The following ZFYVE9 variants were observed in gnomAD, a reference collection of about 807,000 sequenced individuals.
ZFYVE9 encodes the protein zinc finger FYVE domain-containing protein 9.
In ZFYVE9, 43 loss-of-function variants were observed where a neutral mutation model predicts 126.7. The ratio of observed to expected loss-of-function variants is 0.34; its 90% confidence interval spans 0.27 to 0.44. The LOEUF is 0.44. Among genes scored for constraint, ZFYVE9 ranks in the 20% least tolerant of loss-of-function variants. ZFYVE9 has a pLI of 1.00. For synonymous variants in ZFYVE9, 521 were observed against 597.4 expected (o/e 0.87, Z 1.87); for missense variants, 1,476 against 1,697.0 (o/e 0.87, Z 2.29).
chr1:52,274,024 A>G (rs1645720557), intron 7 of ZFYVE9, among the ~76,000 whole-genome samples: 1 of 152,156 alleles, frequency 6.6e-6, no homozygotes, highest in African/African-American at 2.4e-5. Context: ...AACTATCACC[A>G]CTGTTTTCAA....
intron 4 of ZFYVE9, among the ~76,000 whole-genome samples, chr1:52,242,528 T>C (rs1645344708): frequency 6.6e-6 from 1 of 152,156 alleles, no homozygotes; most frequent in African/African-American, 2.4e-5. Flanking sequence ...TACTGTTTCT[T>C]AATGCAGCAG....
chr1:52,206,289 G>A (rs1197265502), intron 1 of ZFYVE9, among the ~76,000 whole-genome samples: 2 of 152,140 alleles, frequency 1.3e-5, no homozygotes, highest in Non-Finnish European at 2.9e-5. Flanking sequence ...AGGTGGATAG[G>A]TTTTCCCTGA....
intron 13 of ZFYVE9, among the ~76,000 whole-genome samples, chr1:52,318,431 GAA>G (rs1348541660): frequency 1.4e-5 from 2 of 147,324 alleles, no homozygotes; most frequent in African/African-American, 2.6e-5. Context: ...GGCAATCTAA[GAA>G]GAGAACTTTC....
chr1:52,344,698 T>C (rs1252427773), intron 17 of ZFYVE9, 70 bp from the exon 18 acceptor site: 39 of 1,524,936 alleles, frequency 2.6e-5, no homozygotes, highest in South Asian at 1.2e-5. Context: ...GGTGCTCATA[T>C]ACAGTGAGCT....
At chr1:52,226,852 T>C (rs958027683) in intron 2 of ZFYVE9, among the ~76,000 whole-genome samples, 3 of 152,218 alleles carry the variant, frequency 2.0e-5, no homozygotes, top group African/African-American at 7.2e-5. Context: ...TTGCATTCTT[T>C]TGAATTTCTG....
chr1:52,239,340 T>C lies in ZFYVE9; in HGVS notation c.1923T>C (p.Asn641=), dbSNP rs774970481. 2.5e-6 allele frequency: 4 copies of C among 1,614,196 alleles called. No homozygotes were observed. In the Admixed American group the frequency reaches 6.7e-5, roughly 27 times the overall value. The change falls in exon 4 of 19, where the codon AAT becomes AAC. Residue 641 remains asparagine, a synonymous_variant. Coordinates refer to ENST00000287727, the MANE Select transcript of ZFYVE9 (RefSeq NM_004799.4). The part of the protein sequence containing the change: ...VCSPSLGNIS[N]VDTNGEHLES... ...GTCCATCTTTGGGAAACATCTCTAA[T>C]GTCGATACAAATGGGGAACATTTAG...
At chr1:52,161,481 G>C (rs754353570) in intron 1 of ZFYVE9, among the ~76,000 whole-genome samples, 25 of 152,212 alleles carry the variant, frequency 1.6e-4, no homozygotes, top group Admixed American at 7.2e-4. Flanking sequence ...AGTAGAGACA[G>C]GGTTTTGCTA....
At chr1:52,161,868 T>C (rs1644463070) in intron 1 of ZFYVE9, among the ~76,000 whole-genome samples, 1 of 151,638 alleles carries the variant, frequency 6.6e-6, no homozygotes, top group African/African-American at 2.4e-5. Flanking sequence ...TAATACAATA[T>C]CTAACACAAA....
intron 6 of ZFYVE9, among the ~76,000 whole-genome samples, chr1:52,268,233 G>C (rs927147318): frequency 9.2e-5 from 14 of 152,128 alleles, no homozygotes; most frequent in Admixed American, 8.5e-4. Flanking sequence ...TCAAAGCAAA[G>C]TATTTTACTC....
chr1:52,303,055 A>G (rs1412486387), intron 12 of ZFYVE9, among the ~76,000 whole-genome samples: 1 of 152,162 alleles, frequency 6.6e-6, no homozygotes, highest in Non-Finnish European at 1.5e-5. Flanking sequence ...GGTTGTACTG[A>G]GCCAAGATGG....
intron 1 of ZFYVE9, among the ~76,000 whole-genome samples, chr1:52,183,025 A>T (rs1160013835): frequency 6.6e-6 from 1 of 152,206 alleles, no homozygotes; most frequent in Non-Finnish European, 1.5e-5. Context: ...GAGCAGTTTT[A>T]GTAGATTGAA....
chr1:52,344,156 A>G (rs1051168930), intron 17 of ZFYVE9, among the ~76,000 whole-genome samples: 47 of 151,652 alleles, frequency 3.1e-4, no homozygotes, highest in African/African-American at 1.1e-3. Context: ...GCTAGGACTT[A>G]GGTCATCAGT....
chr1:52,315,173 A>G (rs1044272072), intron 13 of ZFYVE9, among the ~76,000 whole-genome samples: 18 of 152,370 alleles, frequency 1.2e-4, no homozygotes, highest in African/African-American at 4.3e-4. Flanking sequence ...TCATGCCTGT[A>G]ATCCCTGCAC....
At chr1:52,147,266 A>G (rs898522386) in intron 1 of ZFYVE9, among the ~76,000 whole-genome samples, 1 of 152,220 alleles carries the variant, frequency 6.6e-6, no homozygotes, top group African/African-American at 2.4e-5. Flanking sequence ...TATGGTAAAT[A>G]GCCCATTTAC....
Position 52,315,798 on chromosome 1 carries a change from G to A in ZFYVE9, c.3438+11873G>A, listed in dbSNP as rs539933778. Among the ~76,000 whole-genome samples the A allele has an allele frequency of 4.6e-5, 7 of 152,302 alleles. No individual in the cohort carries two copies. In the South Asian group the frequency reaches 1.0e-3, roughly 23 times the overall value. The stretch of plus-strand genomic sequence containing the variant: ...ATATAAATGATCTAAATACCTTCAA[G>A]TAAAAGGCAGAGATTGTGAGACTGA... On this transcript the variant is annotated intron_variant, in intron 13 of 18. Transcript: ENST00000287727.
intron 4 of ZFYVE9, among the ~76,000 whole-genome samples, chr1:52,245,721 G>T (rs1368192892): frequency 6.6e-6 from 1 of 152,100 alleles, no homozygotes; most frequent in Non-Finnish European, 1.5e-5. Context: ...AATCTTCCTG[G>T]TAAACCTGTG....
intron 1 of ZFYVE9, among the ~76,000 whole-genome samples, chr1:52,173,500 G>A (rs542246926): frequency 6.6e-6 from 1 of 152,162 alleles, no homozygotes; most frequent in Non-Finnish European, 1.5e-5. Flanking sequence ...TTGGTATCAG[G>A]ATGATGCTGG....
chr1:52,235,582 C>A (rs1645265909), intron 3 of ZFYVE9, among the ~76,000 whole-genome samples: 1 of 152,000 alleles, frequency 6.6e-6, no homozygotes, highest in Admixed American at 6.6e-5. Flanking sequence ...GATACTAAGC[C>A]CATTCTTCAC....
intron 1 of ZFYVE9, among the ~76,000 whole-genome samples, chr1:52,202,882 C>T (rs943913303): frequency 1.7e-4 from 26 of 151,554 alleles, no homozygotes; most frequent in African/African-American, 5.3e-4. Context: ...GACAGGGTTT[C>T]GCCACATGGG....
Sources: allele counts gnomAD v4.1 joint callset (sites outside exome capture counted in the v4.1 genomes callset), GRCh38; gene constraint gnomAD v4.1.1; transcripts MANE v1.5; gene names NCBI Gene and HGNC (gene_info 2026-07-23, HGNC 2026-07-21).